Variants in ZNF704 observed in about 807,000 individuals in gnomAD.
ZNF704 encodes glucocorticoid induced gene 1.
Under a neutral mutation model 44.7 loss-of-function variants are expected in ZNF704, and 10 were observed. The observed-to-expected ratio is 0.22, with a 90% CI of 0.14 to 0.38. The LOEUF is 0.38. ZNF704 is among the 10% of genes least tolerant of loss of function. The pLI, the probability that ZNF704 is intolerant of heterozygous loss-of-function variation, is 1.00. For missense variants in ZNF704, 390 were observed against 545.5 expected, an observed-to-expected ratio of 0.71 and a Z score of 2.84; for synonymous variants, 211 against 207.6, an observed-to-expected ratio of 1.02 and a Z score of -0.14.
chr8:80,815,435 T>C (rs1036181545), intron 2 of ZNF704, among the ~76,000 whole-genome samples: 1 of 152,246 alleles, frequency 6.6e-6, no homozygotes, highest in African/African-American at 2.4e-5. Flanking sequence ...TAAGCATCAG[T>C]ACCTTCAAAA....
At position 80,739,332 on chromosome 8, in the gene ZNF704, G is replaced by C. The variant is rs1179626581; in HGVS notation, c.222-46225C>G. Among the ~76,000 whole-genome samples the C allele has an allele frequency of 2.0e-5, 3 of 152,250 alleles. No homozygotes were observed. In the East Asian group the frequency reaches 5.8e-4, roughly 29 times the overall value. On this transcript the variant is annotated intron_variant, in intron 2 of 8. Transcript: ENST00000327835. Reference sequence around the variant, plus strand: ...GGTTAAATTGGAACTCTGTCTCCCTGGGATATGACAGCTAACTTATGGAGA... The same window carrying C: ...GGTTAAATTGGAACTCTGTCTCCCTCGGATATGACAGCTAACTTATGGAGA...
rs1286776778 is a variant in ZNF704, at chr8:80,687,301, C to T, written c.483G>A (p.Ala161=). ...CCTCGTCGATGCCGTCGTCTGGCTG[C>T]GCGGGGCTGCGGAAGGGCTTGAAGC... is the stretch of plus-strand genomic sequence containing the variant. The part of the protein sequence containing the change: ...ADSFKPFRSP[A]QPDDGIDEAE... Residue 161 remains alanine, a synonymous_variant, in exon 4 of 9, where the codon GCG becomes GCA. Transcript: ENST00000327835. The T allele has an allele frequency of 6.8e-6, 11 of 1,612,862 alleles. No individual in the cohort carries two copies. Among genetic ancestry groups the T allele is most frequent in the African/African-American group, 6.7e-5 (5 of 74,942 alleles).
chr8:80,862,549 C>T lies in ZNF704; in HGVS notation c.-22+12022G>A, dbSNP rs990963700. 5.6e-5 allele frequency among the ~76,000 whole-genome samples: 8 copies of T among 142,738 alleles called. 1 individual carries two copies. The highest frequency in any genetic ancestry group is 1.6e-4 in the African/African-American group (6 of 36,876). 93.6% of individuals were successfully genotyped at this position (142,738 alleles called of 152,430 possible). On this transcript the variant is annotated intron_variant, in intron 1 of 8. Transcript: ENST00000327835. ...CCAAGGCAGGCAGATCACCTGAGGG[C>T]GAGAGTTCGAGACCAGCCTGGTCAA...
intron 6 of ZNF704, among the ~76,000 whole-genome samples, chr8:80,661,029 A>G (rs921384107): frequency 1.3e-5 from 2 of 152,204 alleles, no homozygotes; most frequent in Admixed American, 6.5e-5. Context: ...GTGAGAAAAT[A>G]TCCACAAACT....
chr8:80,661,224 G>A (rs193217958), intron 6 of ZNF704, among the ~76,000 whole-genome samples: 1 of 152,174 alleles, frequency 6.6e-6, no homozygotes, highest in East Asian at 1.9e-4. Flanking sequence ...AGAAAAATGT[G>A]TATCAAAACC....
chr8:80,831,304 CTGA>C (rs1808468876), intron 1 of ZNF704, among the ~76,000 whole-genome samples: 1 of 152,174 alleles, frequency 6.6e-6, no homozygotes, highest in African/African-American at 2.4e-5. Context: ...GGACATTTTT[CTGA>C]TCCATGCACC....
At chr8:80,701,638 T>C (rs1423896501) in intron 2 of ZNF704, among the ~76,000 whole-genome samples, 2 of 151,752 alleles carry the variant, frequency 1.3e-5, no homozygotes, top group African/African-American at 2.4e-5. Flanking sequence ...GACAGAGAGA[T>C]AGGAAAGAAA....
chr8:80,663,494 T>A (rs2131608512), intron 6 of ZNF704, among the ~76,000 whole-genome samples: 1 of 152,200 alleles, frequency 6.6e-6, no homozygotes, highest in African/African-American at 2.4e-5. Context: ...GGAGGGCCTG[T>A]TAAAACAGAA....
intron 1 of ZNF704, among the ~76,000 whole-genome samples, chr8:80,868,595 A>C (rs1170595812): frequency 6.6e-6 from 1 of 152,210 alleles, no homozygotes; most frequent in Non-Finnish European, 1.5e-5. Context: ...TGGGAGCTAT[A>C]CTGATTCCCA....
intron 4 of ZNF704, among the ~76,000 whole-genome samples, chr8:80,674,077 G>A (rs1004257121): frequency 4.6e-5 from 7 of 152,198 alleles, no homozygotes; most frequent in South Asian, 2.1e-4. Context: ...GTGAAAATGC[G>A]GAGAAGCAAA....
chr8:80,724,510 T>A (rs1403493770), intron 2 of ZNF704, among the ~76,000 whole-genome samples: 1 of 152,246 alleles, frequency 6.6e-6, no homozygotes, highest in Non-Finnish European at 1.5e-5. Context: ...ATTCCTGGCA[T>A]GTCTTTAACT....
rs577789121 is a variant in ZNF704, at chr8:80,783,928, G to C, written c.221+37446C>G. 3.3e-5 allele frequency among the ~76,000 whole-genome samples: 5 copies of C among 152,144 alleles called. No individual in the cohort carries two copies. In the South Asian group the frequency reaches 1.0e-3, roughly 32 times the overall value. On this transcript the variant is annotated intron_variant, in intron 2 of 8. Transcript: ENST00000327835. Reference sequence around the variant, plus strand: ...CCTGGCAACCACTGATCTTTTTACTGTCTCCACAATTTTGTCCTTTCCAGA... The same window carrying C: ...CCTGGCAACCACTGATCTTTTTACTCTCTCCACAATTTTGTCCTTTCCAGA...
chr8:80,845,564 G>A (rs1808755106), intron 1 of ZNF704, among the ~76,000 whole-genome samples: 1 of 152,158 alleles, frequency 6.6e-6, no homozygotes, highest in African/African-American at 2.4e-5. Flanking sequence ...TTTCAGCAAT[G>A]ACGAAGAAAT....
intron 1 of ZNF704, among the ~76,000 whole-genome samples, chr8:80,857,393 C>T (rs973156727): frequency 6.6e-6 from 1 of 152,090 alleles, no homozygotes; most frequent in Non-Finnish European, 1.5e-5. Context: ...TGGGGAATTT[C>T]CATCCAATTT....
chr8:80,835,619 T>C (rs1407515368), intron 1 of ZNF704, among the ~76,000 whole-genome samples: 5 of 152,190 alleles, frequency 3.3e-5, no homozygotes, highest in Non-Finnish European at 7.3e-5. Context: ...GTGGAGATAT[T>C]TAATCTTTAT....
At chr8:80,866,025 TC>T (rs1231984307) in intron 1 of ZNF704, among the ~76,000 whole-genome samples, 1 of 152,230 alleles carries the variant, frequency 6.6e-6, no homozygotes, top group Non-Finnish European at 1.5e-5. Flanking sequence ...TATATTCTGT[TC>T]CATTTCATCT....
At chr8:80,694,719 T>C (rs1818698271) in intron 2 of ZNF704, among the ~76,000 whole-genome samples, 2 of 152,230 alleles carry the variant, frequency 1.3e-5, no homozygotes. Context: ...GTTACAAAAA[T>C]TGTTACAGTT....
chr8:80,860,132 T>C (rs1941499698), intron 1 of ZNF704, among the ~76,000 whole-genome samples: 1 of 152,210 alleles, frequency 6.6e-6, no homozygotes, highest in Non-Finnish European at 1.5e-5. Flanking sequence ...CTTTCAAACC[T>C]CTGTACTTCT....
At chr8:80,839,542 C>T (rs974078398) in intron 1 of ZNF704, among the ~76,000 whole-genome samples, 3 of 152,144 alleles carry the variant, frequency 2.0e-5, no homozygotes, top group African/African-American at 7.2e-5. Flanking sequence ...TTAGGCAATA[C>T]ATATTAGAAT....
Sources: allele counts gnomAD v4.1 joint callset (sites outside exome capture counted in the v4.1 genomes callset), GRCh38; gene constraint gnomAD v4.1.1; transcripts MANE v1.5; gene names NCBI Gene and HGNC (gene_info 2026-07-23, HGNC 2026-07-21).